The following VSX2 variants were observed in gnomAD, a reference collection of about 807,000 sequenced individuals.
The protein encoded by VSX2 is visual system homeobox 2.
In VSX2, 28 loss-of-function variants were observed where a neutral mutation model predicts 32.1. The observed-to-expected ratio is 0.87, with a 90% CI of 0.65 to 1.20. VSX2 has a LOEUF of 1.20. Among genes scored for constraint, VSX2 ranks in the 50% most tolerant of loss-of-function variants. VSX2 has a pLI of 0.00. For synonymous variants in VSX2, 243 were observed against 214.1 expected (o/e 1.14, Z -1.18); for missense variants, 506 against 488.7 (o/e 1.04, Z -0.33).
At chr14:74,244,266 T>C (rs977211963) in intron 2 of VSX2, among the ~76,000 whole-genome samples, 1 of 151,880 alleles carries the variant, frequency 6.6e-6, no homozygotes, top group African/African-American at 2.4e-5. Flanking sequence ...CTGTTGGGGG[T>C]GGGGAACTGT....
chr14:74,246,822 A>G (rs2079195021), intron 3 of VSX2, among the ~76,000 whole-genome samples: 1 of 152,044 alleles, frequency 6.6e-6, no homozygotes, highest in Non-Finnish European at 1.5e-5. Flanking sequence ...TCTGCTTGGT[A>G]GATTAGGTGG....
At chr14:74,257,974 G>C (rs976556939) in intron 3 of VSX2, among the ~76,000 whole-genome samples, 3 of 152,154 alleles carry the variant, frequency 2.0e-5, no homozygotes, top group African/African-American at 7.2e-5. Flanking sequence ...GGAGGAGATT[G>C]CAGCGTGACC....
At chr14:74,258,249 T>A (rs2079280342) in intron 3 of VSX2, among the ~76,000 whole-genome samples, 2 of 152,302 alleles carry the variant, frequency 1.3e-5, no homozygotes, top group South Asian at 4.1e-4. Context: ...CCCGTGGTAT[T>A]TCAGTGCCTG....
rs1190863118 is a variant in VSX2 at position 74,239,546 on chromosome 14, T to TC, written c.-14dup. On this transcript the variant is annotated 5_prime_UTR_variant, in exon 1 of 5. Coordinates refer to ENST00000261980, the MANE Select transcript of VSX2 (RefSeq NM_182894.3). The stretch of plus-strand genomic sequence containing the variant: ...GCTAAAGACCTGCGGCCTCAGCCCC[T>TC]CCAAAGAACAGGGAGATGACGGGGA... 6.5e-7 allele frequency: 1 copy of TC among 1,550,372 alleles called. No homozygotes were observed. Among genetic ancestry groups the TC allele is most frequent in the East Asian group, 2.4e-5 (1 of 40,868 alleles).
At chr14:74,248,209 G>A (rs977168001) in intron 3 of VSX2, among the ~76,000 whole-genome samples, 2 of 151,918 alleles carry the variant, frequency 1.3e-5, no homozygotes, top group Non-Finnish European at 2.9e-5. Context: ...GAAAGGGGAA[G>A]TTATTACTGG....
chr14:74,253,679 C>T (rs954528165), intron 3 of VSX2, among the ~76,000 whole-genome samples: 1 of 152,166 alleles, frequency 6.6e-6, no homozygotes, highest in African/African-American at 2.4e-5. Flanking sequence ...GCCTGTAATC[C>T]CAGCACTTTC....
chr14:74,248,350 A>AAG (rs921604990), intron 3 of VSX2, among the ~76,000 whole-genome samples: 2 of 139,812 alleles, frequency 1.4e-5, no homozygotes, highest in Non-Finnish European at 3.2e-5. Context: ...AAAAAAAAAA[A>AAG]ACAAAAAAAA....
chr14:74,262,514 C>A lies in VSX2; in HGVS notation c.*1595C>A, dbSNP rs112115147. On this transcript the variant is annotated 3_prime_UTR_variant, in exon 5 of 5. Transcript: ENST00000261980. The stretch of plus-strand genomic sequence containing the variant: ...TTTCTTCTTCATTCCATTTATGGAA[C>A]TTCCCTCCCCCTAGTCCGGTTCTTC... The A allele has an allele frequency of 6.6e-6, 1 of 152,384 alleles. No individual in the cohort carries two copies. Among genetic ancestry groups the A allele is most frequent in the African/African-American group, 2.4e-5 (1 of 41,580 alleles). The allele number at this position is 152,384 out of a possible 1,614,324, so 9.4% of individuals were successfully genotyped here.
chr14:74,245,378 C>T, intron 3 of VSX2, 90 bp downstream of exon 3: 1 of 1,552,318 alleles, frequency 6.4e-7, no homozygotes, highest in Non-Finnish European at 8.8e-7. Flanking sequence ...GACCCCGCCT[C>T]CCAGCCCCAC....
intron 3 of VSX2, among the ~76,000 whole-genome samples, chr14:74,258,229 G>A (rs1316425181): frequency 6.6e-6 from 1 of 152,202 alleles, no homozygotes; most frequent in Non-Finnish European, 1.5e-5. Context: ...GAGAGCAGCC[G>A]CTTTAATTTC....
intron 3 of VSX2, among the ~76,000 whole-genome samples, chr14:74,246,357 G>C (rs574132840): frequency 6.6e-6 from 1 of 152,180 alleles, no homozygotes; most frequent in Admixed American, 6.5e-5. Context: ...GCCAAGTAAG[G>C]TGTGTGGGTT....
At chr14:74,243,183 G>C (rs897061925) in intron 2 of VSX2, among the ~76,000 whole-genome samples, 4 of 152,152 alleles carry the variant, frequency 2.6e-5, no homozygotes, top group African/African-American at 9.7e-5. Context: ...TGAGAGATGG[G>C]CTTATTTTTA....
rs535383634 is a variant in VSX2 at position 74,243,616 on chromosome 14, T to A, written c.456-1549T>A. ...ATTTTGATGCTCTGTCCATGGGCCC[T>A]TCAGCAGATGGCAGAAGCGAAAAAG... On this transcript the variant is annotated intron_variant, in intron 2 of 4. Transcript: ENST00000261980. 4.4e-3 allele frequency among the ~76,000 whole-genome samples: 677 copies of A among 152,220 alleles called. 8 individuals are homozygous for A. Among genetic ancestry groups the A allele is most frequent in the African/African-American group, 0.015 (641 of 41,528 alleles).
intron 2 of VSX2, 69 bp downstream of exon 2, chr14:74,241,335 G>T (rs1318793802): frequency 4.6e-6 from 7 of 1,524,264 alleles, no homozygotes; most frequent in African/African-American, 1.4e-5. Context: ...TCCGGGATCG[G>T]GTCTCTCGGA....
chr14:74,259,970 C>G (rs2139646143), intron 4 of VSX2, among the ~76,000 whole-genome samples, 188 bp downstream of exon 4: 1 of 152,320 alleles, frequency 6.6e-6, no homozygotes, highest in African/African-American at 2.4e-5. Context: ...GGCCTGGTGT[C>G]TGTCACTTGC....
intron 3 of VSX2, among the ~76,000 whole-genome samples, chr14:74,251,992 G>C (rs1451484327): frequency 6.6e-6 from 1 of 152,224 alleles, no homozygotes; most frequent in African/African-American, 2.4e-5. Context: ...AAGGGCATCT[G>C]TCATGCACAA....
chr14:74,244,546 G>A (rs2024241), intron 2 of VSX2, among the ~76,000 whole-genome samples: 45,176 of 151,898 alleles, frequency 0.3, 7,210 homozygotes, highest in East Asian at 0.64. Context: ...TGACCTTCCG[G>A]TGAATCTTCT....
In VSX2 at chr14:74,260,904, G is replaced by A. The variant is rs1302146768; in HGVS notation, c.1071G>A (p.Leu357=). ...CGGAGAGGCTCAGTCCACCGCAGCT[G>A]GAGGACATGGCTTAGGTCAAGGCGC... ...RPAERLSPPQ[L]EDMA Residue 357 remains leucine, a synonymous_variant, in exon 5 of 5, where the codon CTG becomes CTA. Transcript: ENST00000261980. 3 of 1,560,000 alleles carry A rather than the reference G, an allele frequency of 1.9e-6. No homozygotes were observed. Among genetic ancestry groups the A allele is most frequent in the South Asian group, 1.2e-5 (1 of 84,500 alleles).
intron 1 of VSX2, among the ~76,000 whole-genome samples, chr14:74,240,532 G>T (rs1249258891): frequency 6.6e-6 from 1 of 152,138 alleles, no homozygotes; most frequent in Non-Finnish European, 1.5e-5. Flanking sequence ...CGGGGACCCT[G>T]GGTGACCTCT....
Sources: allele counts gnomAD v4.1 joint callset (sites outside exome capture counted in the v4.1 genomes callset), GRCh38; gene constraint gnomAD v4.1.1; transcripts MANE v1.5; gene names NCBI Gene and HGNC (gene_info 2026-07-23, HGNC 2026-07-21).